The following REPS2 variants were observed in gnomAD, a reference collection of about 807,000 sequenced individuals.
REPS2 encodes the protein ralBP1-associated Eps domain-containing protein 2.
Under a neutral mutation model 53.6 loss-of-function variants are expected in REPS2, and 23 were observed. The observed-to-expected ratio is 0.43, with a 90% CI of 0.31 to 0.61. The LOEUF is 0.61. Ranked by LOEUF, REPS2 falls within the 20% of genes least tolerant of loss-of-function variation. REPS2 has a pLI of 0.11. For missense variants in REPS2, 446 were observed against 534.9 expected (o/e 0.83, Z 1.64); for synonymous variants, 238 against 218.6 (o/e 1.09, Z -0.78).
chrX:17,047,885 A>G (rs2061929802), intron 6 of REPS2, among the ~76,000 whole-genome samples: 1 of 113,003 alleles, frequency 8.8e-6, no homozygotes, highest in Non-Finnish European at 1.9e-5. Flanking sequence ...TTCAAACTTC[A>G]AACTCAGGCT....
At chrX:17,122,233 G>C (rs1399545231) in intron 14 of REPS2, among the ~76,000 whole-genome samples, 1 of 111,068 alleles carries the variant, frequency 9.0e-6, no homozygotes, top group Non-Finnish European at 1.9e-5. Flanking sequence ...TTATTCTTAG[G>C]GTTACCACTA....
At chrX:17,078,148 C>G (rs112828671) in intron 13 of REPS2, among the ~76,000 whole-genome samples, 2,860 of 112,175 alleles carry the variant, frequency 0.025, 96 homozygotes, top group African/African-American at 0.089. Context: ...GGTGCTGTCC[C>G]AAGTGTTATT....
chrX:17,119,868 CTTTTTTTTT>C (rs35141257), intron 14 of REPS2, among the ~76,000 whole-genome samples: 163 of 40,509 alleles, frequency 4.0e-3, no homozygotes, highest in African/African-American at 0.019. Flanking sequence ...CGCACTGTGA[CTTTTTTTTT>C]TTTTTTTTTT....
At chrX:17,020,466 A>T (rs1602698590) in intron 2 of REPS2, among the ~76,000 whole-genome samples, 1 of 111,448 alleles carries the variant, frequency 9.0e-6, no homozygotes, top group East Asian at 2.8e-4. Context: ...ATTTACTAAG[A>T]ATCTAGAGTT....
rs754563907 is a variant in REPS2, at chrX:17,147,465, C to T, written c.1967C>T (p.Pro656Leu). ...GAAAACCAATTGGAACAACTTCGTC[C>T]GGTCACTGTGTTGTGACCCCCCCAT... Reference protein sequence around the residue: ...ALENQLEQLRPVTVL With the variant: ...ALENQLEQLRLVTVL The change falls in exon 18 of 18, where the codon CCG becomes CTG. Residue 656 changes from proline to leucine, a missense_variant. By Grantham distance (98) the Pro-to-Leu change is moderately conservative. Transcript: ENST00000357277. 1.2e-4 allele frequency: 150 copies of T among 1,202,355 alleles called. 1 individual carries two copies. In the South Asian group the frequency reaches 1.4e-3, roughly 11 times the overall value.
chrX:17,052,331 G>A, intron 6 of REPS2, 51 bp from the exon 7 acceptor site: 1 of 1,012,317 alleles, frequency 9.9e-7, no homozygotes, highest in Non-Finnish European at 1.4e-6. Flanking sequence ...AAATGTAAAA[G>A]CTACTCTAGC....
At chrX:17,108,982 A>C (rs1330900597) in intron 14 of REPS2, among the ~76,000 whole-genome samples, 5 of 109,883 alleles carry the variant, frequency 4.6e-5, no homozygotes, top group Non-Finnish European at 9.5e-5. Context: ...AAAAAAAAAA[A>C]AAACCCAAAT....
chrX:17,146,033 T>C (rs1480000952), intron 17 of REPS2, among the ~76,000 whole-genome samples: 1 of 104,745 alleles, frequency 9.5e-6, no homozygotes, highest in Admixed American at 1.0e-4. Context: ...GGCGTGAACC[T>C]GGGAGGCGGA....
At chrX:17,013,762 A>G (rs1391919333) in intron 2 of REPS2, among the ~76,000 whole-genome samples, 4 of 110,210 alleles carry the variant, frequency 3.6e-5, no homozygotes, top group East Asian at 2.8e-4. Flanking sequence ...GTCCAACCCA[A>G]TCCCCCTTTC....
At chrX:17,112,722 A>G (rs983697918) in intron 14 of REPS2, among the ~76,000 whole-genome samples, 3 of 111,304 alleles carry the variant, frequency 2.7e-5, no homozygotes, top group Admixed American at 9.6e-5. Flanking sequence ...ACTCGGCGGG[A>G]AAGTTTTAGC....
chrX:17,043,079 G>A (rs1351366482), intron 5 of REPS2, among the ~76,000 whole-genome samples: 1 of 111,707 alleles, frequency 9.0e-6, no homozygotes, highest in African/African-American at 3.3e-5. Context: ...TTATGGGTAT[G>A]AGCCAACATG....
intron 1 of REPS2, among the ~76,000 whole-genome samples, chrX:16,968,067 C>T (rs934672517): frequency 6.3e-5 from 7 of 111,238 alleles, no homozygotes; most frequent in African/African-American, 2.3e-4. Flanking sequence ...TGCCTTCAAG[C>T]ATCTGTTTAA....
rs1336679684 is a variant in REPS2, at chrX:17,109,734, T to G, written c.1578+5955T>G. 2.1e-4 allele frequency among the ~76,000 whole-genome samples: 23 copies of G among 112,013 alleles called. No homozygotes were observed. The Admixed American group carries it at 2.1e-3, about 10-fold the overall frequency. On this transcript the variant is annotated intron_variant, in intron 14 of 17. Transcript: ENST00000357277. The stretch of plus-strand genomic sequence containing the variant: ...CAAGAGGAAACCAGAACAACTGTGG[T>G]CCATTGAGTTAATTCTTCATCTAAC...
At chrX:17,093,636 A>G (rs1453638653) in intron 13 of REPS2, among the ~76,000 whole-genome samples, 5 of 110,582 alleles carry the variant, frequency 4.5e-5, no homozygotes, top group Non-Finnish European at 7.6e-5. Flanking sequence ...CTTCTTGTAG[A>G]CTTCAATTTT....
chrX:17,165,126 A>T, the REPS2 span, among the ~76,000 whole-genome samples: 2 of 111,904 alleles, frequency 1.8e-5, no homozygotes, highest in Non-Finnish European at 1.9e-5. Context: ...CATTATTTTC[A>T]TAGAGAAACC....
chrX:17,003,636 A>G (rs756129768), intron 1 of REPS2, among the ~76,000 whole-genome samples: 13 of 111,682 alleles, frequency 1.2e-4, no homozygotes, highest in Non-Finnish European at 2.4e-4. Context: ...GAGGGAGAGT[A>G]GAAAATGGGG....
Position 16,967,237 on chromosome X carries a change from C to T in REPS2, c.273+20103C>T, listed in dbSNP as rs1040176438. On this transcript the variant is annotated intron_variant, in intron 1 of 17. Coordinates refer to ENST00000357277, the MANE Select transcript of REPS2 (RefSeq NM_004726.3). ...GAACACAGCTTTACTCATTTGTTTA[C>T]ATATTGCTAAGGCTGCTTTTGAACT... Among the ~76,000 whole-genome samples, 4 of 111,630 alleles carry T rather than the reference C, an allele frequency of 3.6e-5. No individual in the cohort carries two copies. The Admixed American group carries it at 3.8e-4, about 11-fold the overall frequency.
In REPS2 at chrX:17,081,642, T is replaced by G. The variant is rs1047674926; in HGVS notation, c.1516+4235T>G. Among the ~76,000 whole-genome samples, 9 of 112,360 alleles carry G rather than the reference T, an allele frequency of 8.0e-5. 1 individual carries two copies. The Admixed American group carries it at 8.4e-4, about 11-fold the overall frequency. On this transcript the variant is annotated intron_variant, in intron 13 of 17. Coordinates refer to ENST00000357277, the MANE Select transcript of REPS2 (RefSeq NM_004726.3). ...GTGTGATTTATAGTAGCCTAGATGA[T>G]TCCAGGGCTCTCTAGGTACTGGCAT...
the REPS2 span, among the ~76,000 whole-genome samples, chrX:17,192,308 G>C: frequency 3.6e-5 from 4 of 112,534 alleles, no homozygotes; most frequent in South Asian, 3.7e-4. Context: ...CTCCGTCTCT[G>C]CATGAGTCAC....
Sources: gnomAD v4.1 joint callset for allele counts (sites outside exome capture counted in the v4.1 genomes callset) on GRCh38, gnomAD v4.1.1 for gene constraint, MANE v1.5 for transcripts, NCBI Gene and HGNC (gene_info 2026-07-23, HGNC 2026-07-21) for gene names.